Variants in GABRA2 observed in about 807,000 individuals in gnomAD.
The protein encoded by GABRA2 is gamma-aminobutyric acid receptor subunit alpha-2.
In GABRA2, 16 loss-of-function variants were observed where a neutral mutation model predicts 48.7. That is an observed-to-expected ratio of 0.33 (90% CI 0.22 to 0.50). The LOEUF (loss-of-function observed/expected upper bound fraction) is 0.50. Among genes scored for constraint, GABRA2 ranks in the 20% least tolerant of loss-of-function variants. GABRA2 has a pLI of 0.98. For synonymous variants in GABRA2, 185 were observed against 184.5 expected, an observed-to-expected ratio of 1.00 and a Z score of -0.02; for missense variants, 275 against 535.6, an observed-to-expected ratio of 0.51 and a Z score of 4.80.
chr4:46,246,117 C>T lies in GABRA2; in HGVS notation c.*4191G>A, dbSNP rs1022793022. 3.3e-5 allele frequency among the ~76,000 whole-genome samples: 5 copies of T among 150,780 alleles called. No individual in the cohort carries two copies. Among genetic ancestry groups the T allele is most frequent in the Non-Finnish European group, 5.9e-5 (4 of 67,344 alleles). ...TATGATGCTTACTATGATAGAATAA[C>T]GACTCTTAAAATATTTGTGTGTCTA... On this transcript the variant is annotated 3_prime_UTR_variant, in exon 10 of 10. Transcript: ENST00000381620.
chr4:46,270,781 TAATAGCTGAGCA>T (rs1161703417), intron 8 of GABRA2, among the ~76,000 whole-genome samples: 2 of 151,968 alleles, frequency 1.3e-5, no homozygotes, highest in African/African-American at 4.8e-5. Flanking sequence ...TTTTAACTCA[TAATAGCTGAGCA>T]AATGATGTCC....
chr4:46,363,178 AAG>A (rs1713488216), intron 3 of GABRA2, among the ~76,000 whole-genome samples: 1 of 152,200 alleles, frequency 6.6e-6, no homozygotes, highest in South Asian at 2.1e-4. Flanking sequence ...GATAGATGAT[AAG>A]AAAGAAATAT....
intron 3 of GABRA2, among the ~76,000 whole-genome samples, chr4:46,351,465 T>C (rs1735114692): frequency 6.6e-6 from 1 of 152,050 alleles, no homozygotes; most frequent in Non-Finnish European, 1.5e-5. Context: ...TTCTTTGCAA[T>C]TTACAACACT....
Position 46,245,942 on chromosome 4 carries a change from G to A in GABRA2, c.*4366C>T, listed in dbSNP as rs940025546. ...AAAATAGAATATTTCAACTTAACAA[G>A]ATGGAAGACACAGTGGTCTAGATAT... On this transcript the variant is annotated 3_prime_UTR_variant, in exon 10 of 10. Transcript: ENST00000381620. Among the ~76,000 whole-genome samples, 5 of 150,998 alleles carry A rather than the reference G, an allele frequency of 3.3e-5. No homozygotes were observed. Among genetic ancestry groups the A allele is most frequent in the Non-Finnish European group, 7.4e-5 (5 of 67,402 alleles).
In GABRA2 at chr4:46,261,942, C is replaced by G. The variant is rs1293678055; in HGVS notation, c.1043G>C (p.Ser348Thr). The G allele has an allele frequency of 6.2e-7, 1 of 1,613,484 alleles. No individual in the cohort carries two copies. The highest frequency in any genetic ancestry group is 8.5e-7 in the Non-Finnish European group (1 of 1,179,678). Residue 348 changes from serine to threonine, a missense_variant, in exon 9 of 10, where the codon AGT (serine) becomes ACT (threonine). Ser to Thr is a moderately conservative substitution (Grantham distance 58). Around this residue, in one of 4 missense-constraint regions of GABRA2, gnomAD observed 99 missense variants for 124.3 expected, o/e 0.80. Coordinates refer to ENST00000381620, the MANE Select transcript of GABRA2 (RefSeq NM_000807.4). ...TKRGWAWDGK[S>T]VVNDKKKEKA... is the part of the protein sequence containing the mutation. ...CTCACTTACCTTGTCATTTACTACA[C>G]TCTTCCCATCCCAAGCCCATCCTCT...
chr4:46,286,923 T>C (rs1387473188), intron 8 of GABRA2, among the ~76,000 whole-genome samples: 1 of 152,234 alleles, frequency 6.6e-6, no homozygotes, highest in Non-Finnish European at 1.5e-5. Context: ...AATAATGTTC[T>C]TTGATACACA....
intron 6 of GABRA2, among the ~76,000 whole-genome samples, chr4:46,307,427 A>G (rs1025615063): frequency 7.0e-6 from 1 of 142,214 alleles, no homozygotes; most frequent in African/African-American, 2.6e-5. Context: ...TGTAGTCGTC[A>G]ATAAATTATG....
At chr4:46,376,482 A>C (rs1715718355) in intron 3 of GABRA2, among the ~76,000 whole-genome samples, 6 of 152,234 alleles carry the variant, frequency 3.9e-5, no homozygotes. Context: ...AGCATCCCTC[A>C]AAATTATGAC....
chr4:46,268,589 A>G (rs1718704623), intron 8 of GABRA2, among the ~76,000 whole-genome samples: 1 of 151,920 alleles, frequency 6.6e-6, no homozygotes, highest in African/African-American at 2.4e-5. Flanking sequence ...TGGAATGTGA[A>G]TTATGTGAAT....
intron 8 of GABRA2, among the ~76,000 whole-genome samples, chr4:46,285,887 T>G (rs985295578): frequency 5.3e-5 from 8 of 152,108 alleles, no homozygotes; most frequent in Non-Finnish European, 1.0e-4. Context: ...TTCTTCTTAC[T>G]CCTGGGATGC....
At chr4:46,367,347 A>T (rs1714199818) in intron 3 of GABRA2, 1 of 152,160 alleles carries the variant, frequency 6.6e-6, no homozygotes, top group Non-Finnish European at 1.5e-5. Context: ...ATCAATTGAC[A>T]AATGGTGAAT....
intron 9 of GABRA2, among the ~76,000 whole-genome samples, chr4:46,254,646 T>G (rs762624365): frequency 4.6e-5 from 7 of 151,422 alleles, no homozygotes; most frequent in Non-Finnish European, 1.0e-4. Context: ...GGAAGGAGAC[T>G]GGGGATCATG....
chr4:46,324,103 C>T (rs1050830770), intron 4 of GABRA2, among the ~76,000 whole-genome samples: 12 of 151,954 alleles, frequency 7.9e-5, no homozygotes, highest in Non-Finnish European at 1.2e-4. Context: ...ATTTCCTCAC[C>T]TCCCACTTGC....
In GABRA2 at chr4:46,363,423, G is replaced by T. The variant is rs774967398; in HGVS notation, c.187+22651C>A. ...GGAAGAGAGCACCAAGAATAAAAAC[G>T]AGAGCAAGAAATAGCCACATGGATT... On this transcript the variant is annotated intron_variant, in intron 3 of 9. Coordinates refer to ENST00000381620, the MANE Select transcript of GABRA2 (RefSeq NM_000807.4). Among the ~76,000 whole-genome samples the T allele has an allele frequency of 3.9e-5, 6 of 152,162 alleles. 1 individual carries two copies. The South Asian group carries it at 8.3e-4, about 21-fold the overall frequency.
chr4:46,281,250 T>C (rs1721478538), intron 8 of GABRA2, among the ~76,000 whole-genome samples: 1 of 152,140 alleles, frequency 6.6e-6, no homozygotes, highest in Non-Finnish European at 1.5e-5. Flanking sequence ...CAATTGGATG[T>C]ATGTATCTGG....
Position 46,245,458 on chromosome 4 carries a change from C to T in GABRA2, c.*4850G>A, listed in dbSNP as rs188421315. Reference sequence around the variant, plus strand: ...TTTAAAAAAAAACTAGAAATACATTCGAAAAAGTTTACACCAACATAGAAA... The same window carrying T: ...TTTAAAAAAAAACTAGAAATACATTTGAAAAAGTTTACACCAACATAGAAA... On this transcript the variant is annotated 3_prime_UTR_variant, in exon 10 of 10. Transcript: ENST00000381620. Among the ~76,000 whole-genome samples, 595 of 150,990 alleles carry T rather than the reference C, an allele frequency of 3.9e-3. 7 individuals carry two copies. The highest frequency in any genetic ancestry group is 0.017 in the Middle Eastern group (5 of 292).
intron 8 of GABRA2, among the ~76,000 whole-genome samples, chr4:46,296,030 G>A (rs112367097): frequency 0.016 from 2,380 of 152,266 alleles, 66 homozygotes; most frequent in African/African-American, 0.055. Flanking sequence ...TCCTGAAGCA[G>A]CTGGATTGAT....
In GABRA2 at chr4:46,291,776, C is replaced by CACATATATAT. The variant is rs1553906974; in HGVS notation, c.856+11683_856+11684insATATATATGT. On this transcript the variant is annotated intron_variant, in intron 8 of 9. Transcript: ENST00000381620. ...AGTTAATACTATTAATAAACACACACATATATATATATATACATATACATA... is the reference window on the plus strand; with the variant it reads ...AGTTAATACTATTAATAAACACACACACATATATATATATATATATATATACATATACATA... Among the ~76,000 whole-genome samples, 131 of 144,804 alleles carry CACATATATAT rather than the reference C, an allele frequency of 9.0e-4. 1 individual carries two copies. Among genetic ancestry groups the CACATATATAT allele is most frequent in the Middle Eastern group, 7.3e-3 (2 of 274 alleles). The allele number at this position is 144,804 out of a possible 152,430, so 95.0% of individuals were successfully genotyped here.
intron 3 of GABRA2, among the ~76,000 whole-genome samples, chr4:46,333,501 G>A (rs1041748306): frequency 2.0e-5 from 3 of 152,032 alleles, no homozygotes; most frequent in South Asian, 2.1e-4. Flanking sequence ...TGAGCTAAAT[G>A]TCTTATCCAT....
Sources: gnomAD v4.1 joint callset for allele counts (sites outside exome capture counted in the v4.1 genomes callset) on GRCh38, gnomAD v4.1.1 for gene constraint, gnomAD v4.1.1 regional missense constraint, MANE v1.5 for transcripts, NCBI Gene and HGNC (gene_info 2026-07-23, HGNC 2026-07-21) for gene names.